The following XPO7 variants were observed in gnomAD, a reference collection of about 807,000 sequenced individuals.
XPO7 encodes the protein exportin-7.
A neutral mutation model predicts 144.3 loss-of-function variants in XPO7; 21 were observed. That is an observed-to-expected ratio of 0.15 (90% CI 0.10 to 0.21). The LOEUF is 0.21. Among genes scored for constraint, XPO7 ranks in the 10% least tolerant of loss-of-function variants. The pLI, the probability that XPO7 is intolerant of heterozygous loss-of-function variation, is 1.00. For synonymous variants in XPO7, 580 were observed against 499.6 expected (o/e 1.16, Z -2.15); for missense variants, 808 against 1,325.8 (o/e 0.61, Z 6.06).
chr8:21,930,666 A>G (rs1295900105), intron 1 of XPO7, among the ~76,000 whole-genome samples: 1 of 152,226 alleles, frequency 6.6e-6, no homozygotes, highest in Non-Finnish European at 1.5e-5. Context: ...AGACCAGGAC[A>G]TGAAGTGCCT....
intron 1 of XPO7, among the ~76,000 whole-genome samples, chr8:21,941,510 TATAA>T (rs1264635852): frequency 6.6e-6 from 1 of 152,210 alleles, no homozygotes; most frequent in African/African-American, 2.4e-5. Context: ...GTAAATGCTA[TATAA>T]ATAGTTGTTA....
intron 16 of XPO7, among the ~76,000 whole-genome samples, 192 bp downstream of exon 16, chr8:21,989,275 G>A (rs544696865): frequency 6.6e-6 from 1 of 152,328 alleles, no homozygotes; most frequent in East Asian, 1.9e-4. Flanking sequence ...CCAAAAATGA[G>A]CTGACACCCA....
rs1215279210 is a variant in XPO7 at position 21,946,575 on chromosome 8, A to AAG, written c.19-20281_19-20280insGA. Reference sequence around the variant, plus strand: ...TAGAGGAGAGGCTTTTCTAGAACTGAAAAAAAAAAACAAAAAAAAAAAACA... The same window carrying AAG: ...TAGAGGAGAGGCTTTTCTAGAACTGAAGAAAAAAAAAACAAAAAAAAAAAACA... On this transcript the variant is annotated intron_variant, in intron 1 of 27. Coordinates refer to ENST00000252512, the MANE Select transcript of XPO7 (RefSeq NM_015024.5). Among the ~76,000 whole-genome samples the AAG allele has an allele frequency of 8.7e-5, 7 of 80,544 alleles. No individual in the cohort carries two copies. The East Asian group carries it at 2.2e-3, about 26-fold the overall frequency. 52.8% of individuals were successfully genotyped at this position (80,544 alleles called of 152,430 possible).
chr8:21,973,188 AC>A (rs905867480), intron 5 of XPO7, among the ~76,000 whole-genome samples: 2 of 152,248 alleles, frequency 1.3e-5, no homozygotes, highest in African/African-American at 4.8e-5. Context: ...GTACTATTTA[AC>A]CACTCTTATC....
At chr8:21,972,031 G>T in intron 5 of XPO7, 90 bp downstream of exon 5, 1 of 1,263,870 alleles carries the variant, frequency 7.9e-7, no homozygotes. Context: ...ATCTTTTTTG[G>T]CAGTTGTGTG....
rs185237524 is a variant in XPO7 at position 21,967,574 on chromosome 8, C to T, written c.165+571C>T. 2.8e-3 allele frequency among the ~76,000 whole-genome samples: 430 copies of T among 152,172 alleles called. 1 individual carries two copies. Among genetic ancestry groups the T allele is most frequent in the Non-Finnish European group, 4.8e-3 (326 of 68,008 alleles). On this transcript the variant is annotated intron_variant, in intron 2 of 27. Coordinates refer to ENST00000252512, the MANE Select transcript of XPO7 (RefSeq NM_015024.5). ...TCTCGATCTCCTGACCTCAGGTGATCCACCCGCCTCGGCCTCCCAAAGTGA... is the reference window on the plus strand; with the variant it reads ...TCTCGATCTCCTGACCTCAGGTGATTCACCCGCCTCGGCCTCCCAAAGTGA...
intron 1 of XPO7, among the ~76,000 whole-genome samples, chr8:21,951,287 G>A (rs1303542500): frequency 2.0e-5 from 3 of 151,076 alleles, no homozygotes; most frequent in Non-Finnish European, 4.4e-5. Flanking sequence ...AAACCTATGA[G>A]GCCTACCTTA....
intron 24 of XPO7, among the ~76,000 whole-genome samples, chr8:22,001,488 A>T (rs1053118118): frequency 6.6e-5 from 10 of 152,072 alleles, no homozygotes; most frequent in Non-Finnish European, 1.5e-4. Context: ...AGACGCATAG[A>T]TGAGTCTGCA....
intron 1 of XPO7, among the ~76,000 whole-genome samples, chr8:21,957,405 G>A (rs185357935): frequency 6.6e-6 from 1 of 152,280 alleles, no homozygotes; most frequent in African/African-American, 2.4e-5. Context: ...TGAGCATGTA[G>A]CATAAATGAA....
chr8:21,945,439 A>T (rs1451917944), intron 1 of XPO7, among the ~76,000 whole-genome samples: 1 of 152,236 alleles, frequency 6.6e-6, no homozygotes, highest in Non-Finnish European at 1.5e-5. Context: ...ATAAAATTTT[A>T]TACAGACAAA....
At chr8:21,957,773 A>G (rs986048866) in intron 1 of XPO7, among the ~76,000 whole-genome samples, 1 of 152,178 alleles carries the variant, frequency 6.6e-6, no homozygotes, top group Non-Finnish European at 1.5e-5. Context: ...ATCCCAGTCC[A>G]TGCACTGTGC....
chr8:21,993,477 T>TTTG (rs1247346290), intron 19 of XPO7, among the ~76,000 whole-genome samples: 3 of 152,132 alleles, frequency 2.0e-5, no homozygotes, highest in East Asian at 1.9e-4. Context: ...TTGAGCACAT[T>TTTG]TTGTTGTTGT....
intron 1 of XPO7, among the ~76,000 whole-genome samples, chr8:21,922,719 A>G (rs530347667): frequency 1.3e-5 from 2 of 152,322 alleles, no homozygotes; most frequent in East Asian, 3.9e-4. Context: ...TATGATTTAT[A>G]TATCGAATAT....
intron 21 of XPO7, among the ~76,000 whole-genome samples, chr8:21,995,928 G>A (rs796949775): frequency 4.6e-5 from 7 of 152,198 alleles, no homozygotes; most frequent in African/African-American, 1.7e-4. Context: ...CCATTCCCCT[G>A]CCTCAGCCTC....
chr8:21,986,379 C>G (rs1157834539), intron 13 of XPO7, among the ~76,000 whole-genome samples: 1 of 152,128 alleles, frequency 6.6e-6, no homozygotes, highest in Non-Finnish European at 1.5e-5. Flanking sequence ...TCTCGAACTC[C>G]TGACCTCAGG....
intron 5 of XPO7, among the ~76,000 whole-genome samples, chr8:21,973,756 T>G (rs1812138540): frequency 6.6e-6 from 1 of 152,224 alleles, no homozygotes; most frequent in South Asian, 2.1e-4. Context: ...GTTATTTTAT[T>G]CCACATATTG....
At chr8:22,002,574 G>A (rs577151796) in intron 25 of XPO7, among the ~76,000 whole-genome samples, 1 of 152,244 alleles carries the variant, frequency 6.6e-6, no homozygotes, top group East Asian at 1.9e-4. Flanking sequence ...GCTATAAATA[G>A]AGCAGGAGTT....
rs559605577 is a variant in XPO7 at position 22,005,243 on chromosome 8, T to C, written c.*155T>C. The C allele has an allele frequency of 4.7e-5, 25 of 536,258 alleles. No individual in the cohort carries two copies. The highest frequency in any genetic ancestry group is 3.5e-4 in the African/African-American group (18 of 51,560). 33.2% of individuals were successfully genotyped at this position (536,258 alleles called of 1,614,324 possible). On this transcript the variant is annotated 3_prime_UTR_variant, in exon 28 of 28. Transcript: ENST00000252512. ...GTCAACTAGCTGCTTCCCCAGGGAATAGGGGTGTGAGTACACTCACTAGGG... is the reference window on the plus strand; with the variant it reads ...GTCAACTAGCTGCTTCCCCAGGGAACAGGGGTGTGAGTACACTCACTAGGG...
intron 22 of XPO7, 61 bp from the exon 23 acceptor site, chr8:21,999,030 G>C: frequency 6.3e-7 from 1 of 1,593,360 alleles, no homozygotes. Flanking sequence ...GGAGTAGGAA[G>C]GCTGATCTAA....
Sources: gnomAD v4.1 joint callset for allele counts (sites outside exome capture counted in the v4.1 genomes callset) on GRCh38, gnomAD v4.1.1 for gene constraint, MANE v1.5 for transcripts, NCBI Gene and HGNC (gene_info 2026-07-23, HGNC 2026-07-21) for gene names.